The following MAN2A2 variants were observed in gnomAD, a reference collection of about 807,000 sequenced individuals.
The protein encoded by MAN2A2 is alpha-mannosidase 2x.
A neutral mutation model predicts 126.8 loss-of-function variants in MAN2A2; 79 were observed. That is an observed-to-expected ratio of 0.62 (90% CI 0.52 to 0.75). MAN2A2 has a LOEUF of 0.75. MAN2A2 is among the 30% of genes least tolerant of loss of function. The pLI is 0.00. For missense variants in MAN2A2, 1,392 were observed against 1,522.4 expected, an observed-to-expected ratio of 0.91 and a Z score of 1.43; for synonymous variants, 671 against 618.7, an observed-to-expected ratio of 1.08 and a Z score of -1.25.
Position 90,913,730 on chromosome 15 carries a change from C to T in MAN2A2, c.2835C>T (p.Ala945=). The part of the protein sequence containing the change: ...QKRLTLHTAQ[A]LGVSSLKDGQ... ...GCCTCACGCTGCACACTGCCCAGGC[C>T]CTGGGTGTCTCTAGCCTCAAAGATG... The change falls in exon 19 of 23, where the codon GCC becomes GCT. Residue 945 remains alanine, a synonymous_variant. Coordinates refer to ENST00000559717, the MANE Select transcript of MAN2A2 (RefSeq NM_006122.4). 1 of 1,599,544 alleles carries T rather than the reference C, an allele frequency of 6.3e-7. No homozygotes were observed. The highest frequency in any genetic ancestry group is 8.5e-7 in the Non-Finnish European group (1 of 1,172,374).
In MAN2A2 at chr15:90,905,652, C is replaced by A. The variant is rs1280996820; in HGVS notation, c.464C>A (p.Ser155Tyr). 4 of 1,614,156 alleles carry A rather than the reference C, an allele frequency of 2.5e-6. No individual in the cohort carries two copies. The highest frequency in any genetic ancestry group is 3.4e-6 in the Non-Finnish European group (4 of 1,180,016). ...GTGTGGAGGCAAGGCTTCGACATCT[C>A]CTACGACCCGCACGACTGGGATGCT... ...GGVWRQGFDI[S>Y]YDPHDWDAED... Residue 155 changes from serine to tyrosine, a missense_variant, in exon 4 of 23, where the codon TCC becomes TAC. Transcript: ENST00000559717.
chr15:90,913,259 G>T lies in MAN2A2; in HGVS notation c.2585-14G>T, dbSNP rs773224475. 2 of 1,613,224 alleles carry T rather than the reference G, an allele frequency of 1.2e-6. No individual in the cohort carries two copies. Among genetic ancestry groups the T allele is most frequent in the Non-Finnish European group, 1.7e-6 (2 of 1,179,630 alleles). The stretch of plus-strand genomic sequence containing the variant: ...TCACACCTGTCCATGCCCCCACTTT[G>T]TTCCTGTACCCAGGGGTGGAGGGGC... On this transcript the variant is annotated splice_polypyrimidine_tract_variant and intron_variant, in intron 17 of 22. Transcript: ENST00000559717.
In MAN2A2 at chr15:90,912,048, T is replaced by C. The variant is rs749122112; in HGVS notation, c.2115T>C (p.Ser705=). 1 of 1,611,628 alleles carries C rather than the reference T, an allele frequency of 6.2e-7. No individual in the cohort carries two copies. Among genetic ancestry groups the C allele is most frequent in the South Asian group, 1.1e-5 (1 of 90,988 alleles). The change falls in exon 15 of 23, where the codon TCT becomes TCC. Residue 705 remains serine, a synonymous_variant. Transcript: ENST00000559717. ...CACCCCTCCTGTGCCCACAGGTGTC[T>C]GTGCCTGTCCGCCTGCCAGCCCTGG... The part of the protein sequence containing the change: ...TEAVPDVYQV[S]VPVRLPALGL...
At chr15:90,906,067 G>A (rs759657808) in intron 5 of MAN2A2, 51 bp downstream of exon 5, 2 of 1,608,714 alleles carry the variant, frequency 1.2e-6, no homozygotes, top group Non-Finnish European at 1.7e-6. Flanking sequence ...GCCCCAGGCT[G>A]GGTGGACGGG....
chr15:90,916,041 C>T, intron 19 of MAN2A2, 82 bp from the exon 20 acceptor site: 2 of 1,501,552 alleles, frequency 1.3e-6, no homozygotes, highest in Admixed American at 1.8e-5. Context: ...CCGTCAGGGC[C>T]TGTGGCTTGG....
intron 8 of MAN2A2, 21 bp from the exon 9 acceptor site, chr15:90,909,306 A>C (rs187769719): frequency 1.3e-6 from 2 of 1,595,036 alleles, no homozygotes; most frequent in Admixed American, 3.4e-5. Context: ...TGGTGGGCCC[A>C]TGTTTTTTTT....
In MAN2A2 at chr15:90,921,102, T is replaced by C. The variant is rs1596190317; in HGVS notation, c.*1315T>C. On this transcript the variant is annotated 3_prime_UTR_variant, in exon 23 of 23. Coordinates refer to ENST00000559717, the MANE Select transcript of MAN2A2 (RefSeq NM_006122.4). ...CTATTATTCAGCAGTGTCCCGGCAC[T>C]ACTAACCCCTGCAACAAGCCAGATG... 1 of 152,188 alleles carries C rather than the reference T, an allele frequency of 6.6e-6. No individual in the cohort carries two copies. Among genetic ancestry groups the C allele is most frequent in the Non-Finnish European group, 1.5e-5 (1 of 68,034 alleles). The allele number at this position is 152,188 out of a possible 1,614,324, so 9.4% of individuals were successfully genotyped here.
At chr15:90,908,468 A>G (rs530418023) in intron 8 of MAN2A2, among the ~76,000 whole-genome samples, 20 of 152,358 alleles carry the variant, frequency 1.3e-4, no homozygotes, top group African/African-American at 4.6e-4. Context: ...GATTTTGCCA[A>G]TAATTTGGAT....
At chr15:90,909,286 T>C in intron 8 of MAN2A2, 41 bp from the exon 9 acceptor site, 1 of 1,578,942 alleles carries the variant, frequency 6.3e-7, no homozygotes, top group Non-Finnish European at 8.6e-7. Context: ...CTTTTACTGA[T>C]GAGACTTCGT....
intron 11 of MAN2A2, 29 bp downstream of exon 11, chr15:90,910,712 C>T (rs749041443): frequency 2.6e-5 from 42 of 1,611,292 alleles, no homozygotes; most frequent in East Asian, 1.1e-4. Flanking sequence ...CCCTTGTAAG[C>T]TCCCCTGCTC....
Position 90,910,563 on chromosome 15 carries a change from G to A in MAN2A2, c.1640G>A (p.Arg547Gln), listed in dbSNP as rs768548360. The change falls in exon 11 of 23, where the codon CGG (arginine) becomes CAG (glutamine). Residue 547 changes from arginine (R) to glutamine (Q), a missense_variant. Transcript: ENST00000559717. ...AHARRSGLAG[R>Q]YPLSDFTLLT... ...GCTCGCCGCTCTGGTCTGGCTGGCC[G>A]GTACCCACTGTCTGATTTCACCCTC... 20 of 1,614,022 alleles carry A rather than the reference G, an allele frequency of 1.2e-5. No homozygotes were observed. Among genetic ancestry groups the A allele is most frequent in the Admixed American group, 3.3e-5 (2 of 60,006 alleles).
rs563877202 is a variant in MAN2A2, at chr15:90,911,816, C to A, written c.2110-227C>A. 8 of 606,676 alleles carry A rather than the reference C, an allele frequency of 1.3e-5. No homozygotes were observed. In the Admixed American group the frequency reaches 1.8e-4, roughly 13 times the overall value. The allele number at this position is 606,676 out of a possible 1,614,324, so 37.6% of individuals were successfully genotyped here. A position where few individuals can be genotyped will look rare whatever the true frequency, so the allele number is the denominator to read the frequency against. The stretch of plus-strand genomic sequence containing the variant: ...CATCATTCAGTCATTCAATGTTTAT[C>A]GAAAGCTTAATGTGTTGTTACCGCT... On this transcript the variant is annotated intron_variant, in intron 14 of 22. Coordinates refer to ENST00000559717, the MANE Select transcript of MAN2A2 (RefSeq NM_006122.4).
rs1387428896 is a variant in MAN2A2, at chr15:90,906,903, G to A, written c.999G>A (p.Arg333=). The stretch of plus-strand genomic sequence containing the variant: ...CCCACAGCCTAGAGTTCATGTGGAG[G>A]CAGACATGGGGTAAGGCCGGGTAGG... ...AATHSLEFMW[R]QTWDSDSSTD... Residue 333 remains arginine (R), a synonymous_variant, in exon 7 of 23, where the codon AGG becomes AGA. Transcript: ENST00000559717. 13 of 1,613,816 alleles carry A rather than the reference G, an allele frequency of 8.1e-6. No individual in the cohort carries two copies. The South Asian group carries it at 1.3e-4, about 16-fold the overall frequency.
Position 90,916,111 on chromosome 15 carries a change from T to C in MAN2A2, c.2861-12T>C. ...GTGGGGGCGGGCCAGCACTCACTGT[T>C]TGCTTCCCCAGGCCAGCTGGAGGTG... On this transcript the variant is annotated splice_polypyrimidine_tract_variant and intron_variant, in intron 19 of 22. Coordinates refer to ENST00000559717, the MANE Select transcript of MAN2A2 (RefSeq NM_006122.4). 2 of 1,613,492 alleles carry C rather than the reference T, an allele frequency of 1.2e-6. No individual in the cohort carries two copies. The highest frequency in any genetic ancestry group is 1.7e-6 in the Non-Finnish European group (2 of 1,179,736).
chr15:90,914,328 G>GA, intron 19 of MAN2A2, among the ~76,000 whole-genome samples: 1 of 151,174 alleles, frequency 6.6e-6, no homozygotes, highest in Non-Finnish European at 1.5e-5. Flanking sequence ...GACCCAGTCT[G>GA]AAAAAAAAGG....
chr15:90,916,778 C>T, intron 20 of MAN2A2: 1 of 746,184 alleles, frequency 1.3e-6, no homozygotes, highest in South Asian at 1.5e-5. Flanking sequence ...TGAGCACCTG[C>T]TTTACTGTGA....
intron 8 of MAN2A2, among the ~76,000 whole-genome samples, chr15:90,908,445 CTGT>C (rs1182722409): frequency 1.3e-5 from 2 of 152,114 alleles, no homozygotes; most frequent in Non-Finnish European, 2.9e-5. Flanking sequence ...TGCCACAGGG[CTGT>C]TTTTCTACTG....
rs773525678 is a variant in MAN2A2, at chr15:90,909,392, T to C, written c.1262T>C (p.Val421Ala). The change falls in exon 9 of 23, where the codon GTG becomes GCG. Residue 421 changes from valine (V) to alanine (A), a missense_variant. Transcript: ENST00000559717. The stretch of plus-strand genomic sequence containing the variant: ...CTGTTCCGAAGCAACGTCCTCCTGG[T>C]GCCTCTTGGAGATGACTTCCGATAT... ...SQLFRSNVLL[V>A]PLGDDFRYDK... is the part of the protein sequence containing the mutation. 6.2e-7 allele frequency: 1 copy of C among 1,614,014 alleles called. No homozygotes were observed. The highest frequency in any genetic ancestry group is 2.2e-5 in the East Asian group (1 of 44,896).
intron 20 of MAN2A2, 169 bp downstream of exon 20, chr15:90,916,425 C>A: frequency 9.0e-7 from 1 of 1,105,320 alleles, no homozygotes; most frequent in Non-Finnish European, 1.3e-6. Context: ...TGTCCCATCT[C>A]ACGCAGCCTG....
Sources: allele counts gnomAD v4.1 joint callset (sites outside exome capture counted in the v4.1 genomes callset), GRCh38; gene constraint gnomAD v4.1.1; transcripts MANE v1.5; gene names NCBI Gene and HGNC (gene_info 2026-07-23, HGNC 2026-07-21).